Variants in NHS observed in about 807,000 individuals in gnomAD.
The protein encoded by NHS is NHS actin remodeling regulator.
NHS carries 5 observed loss-of-function variants against 72.5 expected under a neutral mutation model. The ratio of observed to expected loss-of-function variants is 0.07; its 90% CI spans 0.04 to 0.14. NHS has a LOEUF of 0.14. Ranked by LOEUF, NHS falls within the 10% of genes least tolerant of loss-of-function variation. The pLI is 1.00. For synonymous variants in NHS, 464 were observed against 547.7 expected (o/e 0.85, Z 2.13); for missense variants, 1,072 against 1,355.7 (o/e 0.79, Z 3.29).
intron 1 of NHS, among the ~76,000 whole-genome samples, chrX:17,635,009 G>A (rs2147070661): frequency 9.0e-6 from 1 of 111,278 alleles, no homozygotes; most frequent in South Asian, 3.8e-4. Context: ...GGCTGCTGTG[G>A]CTCCCTGGAT....
chrX:17,457,506 C>A (rs1006134454), intron 1 of NHS, among the ~76,000 whole-genome samples: 2 of 111,336 alleles, frequency 1.8e-5, no homozygotes, highest in African/African-American at 6.5e-5. Context: ...CTCCTGGGCA[C>A]CAAAGCATGC....
chrX:17,597,541 G>C (rs975967574), intron 1 of NHS, among the ~76,000 whole-genome samples: 2 of 109,646 alleles, frequency 1.8e-5, no homozygotes, highest in Non-Finnish European at 3.8e-5. Context: ...CAAAAGAAGA[G>C]AGCAGGCTAG....
chrX:17,590,496 T>C (rs774942934), intron 1 of NHS, among the ~76,000 whole-genome samples: 1 of 111,839 alleles, frequency 8.9e-6, no homozygotes, highest in African/African-American at 3.2e-5. Flanking sequence ...GGTTGTTATA[T>C]AAAATTATTT....
intron 1 of NHS, among the ~76,000 whole-genome samples, chrX:17,497,982 C>T (rs993219479): frequency 3.6e-5 from 4 of 111,647 alleles, no homozygotes; most frequent in African/African-American, 1.3e-4. Flanking sequence ...ATCAGAATTG[C>T]CTAGGGATCT....
At chrX:17,663,317 T>C (rs1251588364) in intron 1 of NHS, among the ~76,000 whole-genome samples, 1 of 111,793 alleles carries the variant, frequency 8.9e-6, no homozygotes, top group East Asian at 2.8e-4. Flanking sequence ...TATACATCCA[T>C]GTAACAACCT....
At chrX:17,455,225 A>T (rs1308440658) in intron 1 of NHS, among the ~76,000 whole-genome samples, 1 of 111,745 alleles carries the variant, frequency 8.9e-6, no homozygotes, top group African/African-American at 3.3e-5. Context: ...CATACAAAAA[A>T]ATACTAGAAA....
intron 1 of NHS, among the ~76,000 whole-genome samples, chrX:17,627,250 C>T (rs922311507): frequency 2.7e-5 from 3 of 112,207 alleles, no homozygotes; most frequent in Admixed American, 1.9e-4. Flanking sequence ...GCTAAATAGA[C>T]TTGATTGGCA....
At chrX:17,407,917 TG>T (rs1477840905) in intron 1 of NHS, among the ~76,000 whole-genome samples, 1 of 111,824 alleles carries the variant, frequency 8.9e-6, no homozygotes, top group East Asian at 2.8e-4. Flanking sequence ...TGCTGTCATG[TG>T]GTGAAGAGGC....
Position 17,732,048 on chromosome X carries a change from A to G in NHS, c.4540A>G (p.Asn1514Asp). The change falls in exon 9 of 9, where the codon AAT becomes GAT. Residue 1514 changes from asparagine to aspartate, a missense_variant. Physicochemically the swap from Asn to Asp is conservative, Grantham distance 23. Coordinates refer to ENST00000676302, the MANE Select transcript of NHS (RefSeq NM_001291867.2). ...AAATGCCAAAAAGTCCAACACATCC[A>G]ATGAAGAGTTTAAGCTGTTACTGCT... ...YRNAKKSNTS[N>D]EEFKLLLLKK... The G allele has an allele frequency of 1.8e-5, 22 of 1,211,101 alleles. No individual in the cohort carries two copies. The highest frequency in any genetic ancestry group is 2.5e-5 in the Non-Finnish European group (22 of 895,369).
At chrX:17,459,379 A>G (rs764193167) in intron 1 of NHS, among the ~76,000 whole-genome samples, 3 of 111,986 alleles carry the variant, frequency 2.7e-5, no homozygotes, top group African/African-American at 6.5e-5. Context: ...GCCAGTTCGT[A>G]ATGAAGGCCA....
intron 1 of NHS, among the ~76,000 whole-genome samples, chrX:17,435,512 G>A (rs2064717562): frequency 8.9e-6 from 1 of 112,278 alleles, no homozygotes; most frequent in Admixed American, 9.4e-5. Context: ...AAGCAGTGAG[G>A]TTCTGCCTGC....
intron 1 of NHS, among the ~76,000 whole-genome samples, chrX:17,397,904 A>G (rs2064484370): frequency 1.8e-5 from 2 of 111,928 alleles, no homozygotes; most frequent in African/African-American, 6.5e-5. Flanking sequence ...AAGGGACTCC[A>G]TAAGGAAGAA....
chrX:17,511,860 CCTT>C (rs33920981), intron 1 of NHS, among the ~76,000 whole-genome samples: 32,402 of 109,312 alleles, frequency 0.3, 3,714 homozygotes, highest in East Asian at 0.42. Flanking sequence ...ATGGTTCTGT[CCTT>C]CTTATTCAGA....
chrX:17,615,183 A>ATATATACACATATATACGTATATATATAC (rs34548387), intron 1 of NHS, among the ~76,000 whole-genome samples: 1 of 88,746 alleles, frequency 1.1e-5, no homozygotes, highest in Admixed American at 1.3e-4. Flanking sequence ...GTATATATAT[A>ATATATACACATATATACGTATATATATAC]GTATATATAC....
chrX:17,585,090 A>G (rs748849838), intron 1 of NHS, among the ~76,000 whole-genome samples: 2 of 112,107 alleles, frequency 1.8e-5, no homozygotes, highest in African/African-American at 6.5e-5. Context: ...CCCAAAGTGC[A>G]GGGATTATAG....
chrX:17,456,467 G>C (rs182283535), intron 1 of NHS, among the ~76,000 whole-genome samples: 1 of 112,332 alleles, frequency 8.9e-6, no homozygotes, highest in Non-Finnish European at 1.9e-5. Context: ...CAAGTTCCAT[G>C]TTGGGGATCA....
At chrX:17,484,795 G>A (rs985924758) in intron 1 of NHS, among the ~76,000 whole-genome samples, 5 of 110,272 alleles carry the variant, frequency 4.5e-5, no homozygotes, top group South Asian at 3.9e-4. Context: ...TGGTTGGTTC[G>A]CATATGAAAG....
intron 1 of NHS, among the ~76,000 whole-genome samples, chrX:17,467,909 G>A (rs982176375): frequency 3.6e-5 from 4 of 112,106 alleles, no homozygotes; most frequent in Non-Finnish European, 7.5e-5. Flanking sequence ...TTAAAAATAT[G>A]TAAAATATAC....
At chrX:17,427,214 G>A (rs915351885) in intron 1 of NHS, among the ~76,000 whole-genome samples, 9 of 111,574 alleles carry the variant, frequency 8.1e-5, no homozygotes, top group African/African-American at 2.9e-4. Flanking sequence ...GGGAATTGAG[G>A]CTACACTTAA....
Sources: gnomAD v4.1 joint callset for allele counts (sites outside exome capture counted in the v4.1 genomes callset) on GRCh38, gnomAD v4.1.1 for gene constraint, MANE v1.5 for transcripts, NCBI Gene and HGNC (gene_info 2026-07-23, HGNC 2026-07-21) for gene names.